The following PDE1A variants were observed in gnomAD, a reference collection of about 807,000 sequenced individuals.
PDE1A encodes phosphodiesterase 1A, also known as dual specificity calcium/calmodulin-dependent 3',5'-cyclic nucleotide phosphodiesterase 1A.
A neutral mutation model predicts 61.7 loss-of-function variants in PDE1A; 35 were observed. The ratio of observed to expected loss-of-function variants is 0.57; its 90% CI spans 0.43 to 0.75. The LOEUF is 0.75. Among genes scored for constraint, PDE1A ranks in the 30% least tolerant of loss-of-function variants. The pLI, the probability that PDE1A is intolerant of heterozygous loss-of-function variation, is 0.00. For synonymous variants in PDE1A, 232 were observed against 213.2 expected (o/e 1.09, Z -0.77); for missense variants, 597 against 630.6 (o/e 0.95, Z 0.57).
exon 6 of PDE1A, chr2:182,230,053 C>T: frequency 6.2e-7 from 1 of 1,612,748 alleles, no homozygotes; most frequent in Non-Finnish European, 8.5e-7. Context: ...TGAGTGACAT[C>T]AGCTGCATGA....
At chr2:182,169,425 C>G (rs1691924373) in intron 13 of PDE1A, among the ~76,000 whole-genome samples, 1 of 151,802 alleles carries the variant, frequency 6.6e-6, no homozygotes, top group Non-Finnish European at 1.5e-5. Context: ...AGTGATACAA[C>G]TAAAATAATA....
intron 13 of PDE1A, among the ~76,000 whole-genome samples, chr2:182,153,500 C>T (rs1469205251): frequency 6.6e-6 from 1 of 152,156 alleles, no homozygotes; most frequent in East Asian, 1.9e-4. Flanking sequence ...TAGAGGAAGG[C>T]TCTGACACCT....
intron 1 of PDE1A, among the ~76,000 whole-genome samples, chr2:182,355,746 G>A (rs1219546527): frequency 6.6e-6 from 1 of 152,064 alleles, no homozygotes; most frequent in Non-Finnish European, 1.5e-5. Context: ...CAGCAATGCT[G>A]TTTCTATGAC....
rs16823163 is a variant in PDE1A at position 182,400,445 on chromosome 2, C to T, written c.53+26133G>A. Among the ~76,000 whole-genome samples, 1,147 of 152,260 alleles carry T rather than the reference C, an allele frequency of 7.5e-3. 26 individuals are homozygous for T. Among genetic ancestry groups the T allele is most frequent in the Admixed American group, 0.041 (634 of 15,294 alleles). ...ATAATTCTCCAAGATAATGTGCCTT[C>T]GTATATGGCCCCAGAAAGAGCTTTC... On this transcript the variant is annotated intron_variant, in intron 1 of 13. Transcript: ENST00000351439.
At chr2:182,697,038 T>G in the PDE1A span, among the ~76,000 whole-genome samples, 2 of 152,194 alleles carry the variant, frequency 1.3e-5, no homozygotes, top group Non-Finnish European at 2.9e-5. Flanking sequence ...ACATATAAGC[T>G]TATCATTTGA....
In PDE1A at chr2:182,449,049, T is replaced by TACACACACAC. The variant is rs200893342; in HGVS notation, c.101+73217_101+73226dup. ...CCACTACAGGATCACATCATACACA[T>TACACACACAC]ACACACACACACACACACACACACA... On this transcript the variant is annotated intron_variant, in intron 2 of 14. Transcript: ENST00000410103. 8.3e-4 allele frequency among the ~76,000 whole-genome samples: 75 copies of TACACACACAC among 90,608 alleles called. 1 individual carries two copies. The highest frequency in any genetic ancestry group is 2.2e-3 in the African/African-American group (71 of 31,680). 59.4% of individuals were successfully genotyped at this position (90,608 alleles called of 152,430 possible).
chr2:182,515,262 T>C (rs1430497885), intron 2 of PDE1A, among the ~76,000 whole-genome samples: 1 of 152,210 alleles, frequency 6.6e-6, no homozygotes, highest in African/African-American at 2.4e-5. Context: ...AATTTACTTT[T>C]TTGTTGTTTG....
chr2:182,186,403 C>A, intron 12 of PDE1A, 65 bp downstream of exon 12: 1 of 1,538,686 alleles, frequency 6.5e-7, no homozygotes, highest in Non-Finnish European at 8.9e-7. Flanking sequence ...GAAATATAAT[C>A]ATTAAGGAAA....
Position 182,334,780 on chromosome 2 carries a change from A to G in PDE1A, c.54-70366T>C, listed in dbSNP as rs370636392. Reference sequence around the variant, plus strand: ...AGTTTTGGAAGTTCTGGCCAGAGCAATCAGGCAAGAGAAAGAAATAAAGCG... The same window carrying G: ...AGTTTTGGAAGTTCTGGCCAGAGCAGTCAGGCAAGAGAAAGAAATAAAGCG... On this transcript the variant is annotated intron_variant, in intron 1 of 13. Transcript: ENST00000351439. 6.6e-5 allele frequency among the ~76,000 whole-genome samples: 10 copies of G among 152,318 alleles called. No individual in the cohort carries two copies. The East Asian group carries it at 1.5e-3, about 23-fold the overall frequency.
the PDE1A span, among the ~76,000 whole-genome samples, chr2:182,580,196 A>G: frequency 2.0e-5 from 3 of 152,192 alleles, no homozygotes; most frequent in Non-Finnish European, 4.4e-5. Flanking sequence ...CCTAACCCTC[A>G]GTACCTCAGA....
intron 1 of PDE1A, among the ~76,000 whole-genome samples, chr2:182,315,893 A>G (rs1016073477): frequency 6.6e-6 from 1 of 152,218 alleles, no homozygotes. Flanking sequence ...AAGAAAGAGC[A>G]TCTCCTGGCA....
chr2:182,282,742 T>C (rs1328701340), intron 1 of PDE1A, among the ~76,000 whole-genome samples: 2 of 152,050 alleles, frequency 1.3e-5, no homozygotes, highest in African/African-American at 4.8e-5. Context: ...TGACCCAATA[T>C]ATAAATATAT....
At chr2:182,680,383 G>A in the PDE1A span, among the ~76,000 whole-genome samples, 103,431 of 151,718 alleles carry the variant, frequency 0.68, 35,758 homozygotes, top group African/African-American at 0.77. Flanking sequence ...GCTAATTTTT[G>A]TTTTTTTTGT....
At chr2:182,195,851 A>G (rs1186230554) in intron 10 of PDE1A, among the ~76,000 whole-genome samples, 1 of 152,076 alleles carries the variant, frequency 6.6e-6, no homozygotes, top group African/African-American at 2.4e-5. Flanking sequence ...AATAAAACAT[A>G]CAAGAACCAC....
chr2:182,551,859 G>A, the PDE1A span, among the ~76,000 whole-genome samples: 1 of 152,134 alleles, frequency 6.6e-6, no homozygotes, highest in Non-Finnish European at 1.5e-5. Flanking sequence ...TTAGGATTAG[G>A]TTTTCTTAAA....
In PDE1A at chr2:182,203,079, G is replaced by C. The variant is rs574199898; in HGVS notation, c.903-1290C>G. Among the ~76,000 whole-genome samples, 3 of 152,268 alleles carry C rather than the reference G, an allele frequency of 2.0e-5. No homozygotes were observed. In the South Asian group the frequency reaches 6.2e-4, roughly 32 times the overall value. On this transcript the variant is annotated intron_variant, in intron 8 of 13. Coordinates refer to ENST00000351439, the Ensembl canonical transcript of PDE1A. The stretch of plus-strand genomic sequence containing the variant: ...GCCTGTAATCCCAGCACTTTGGGAG[G>C]CCGAGGCGGGTGGATCACGAGGTCA...
rs1574631622 is a variant in PDE1A, at chr2:182,426,777, A to C, written c.-147T>G. ...TTCTCTTTTTGGGTGCTGGGAGAAA[A>C]CTTCCCTGTTCTCTGCCAGCTGAGC... is the stretch of plus-strand genomic sequence containing the variant. On this transcript the variant is annotated 5_prime_UTR_variant, in exon 1 of 14. Coordinates refer to ENST00000351439, the Ensembl canonical transcript of PDE1A. 8 of 1,473,414 alleles carry C rather than the reference A, an allele frequency of 5.4e-6. No homozygotes were observed. In the East Asian group the frequency reaches 2.0e-4, roughly 36 times the overall value. 91.3% of individuals were successfully genotyped at this position (1,473,414 alleles called of 1,614,324 possible).
At chr2:182,662,128 T>C in the PDE1A span, among the ~76,000 whole-genome samples, 34 of 151,976 alleles carry the variant, frequency 2.2e-4, no homozygotes, top group African/African-American at 6.7e-4. Flanking sequence ...TTAAATGGTA[T>C]ACTATGACCT....
the PDE1A span, among the ~76,000 whole-genome samples, chr2:182,631,482 G>A: frequency 6.6e-6 from 1 of 152,224 alleles, no homozygotes; most frequent in East Asian, 1.9e-4. Context: ...AAAGCCATCT[G>A]CTTTACTCAG....
Sources: allele counts gnomAD v4.1 joint callset (sites outside exome capture counted in the v4.1 genomes callset), GRCh38; gene constraint gnomAD v4.1.1; transcripts MANE v1.5; gene names NCBI Gene and HGNC (gene_info 2026-07-23, HGNC 2026-07-21).